The following AVEN variants were observed in gnomAD, a reference collection of about 807,000 sequenced individuals.
AVEN encodes apoptosis and caspase activation inhibitor.
Under a neutral mutation model 38.1 loss-of-function variants are expected in AVEN, and 41 were observed. The observed-to-expected ratio is 1.08, with a 90% CI of 0.84 to 1.40. AVEN has a LOEUF of 1.40. Ranked by LOEUF, AVEN falls within the 40% of genes most tolerant of loss-of-function variation. The pLI is 0.00. For missense variants in AVEN, 605 were observed against 438.8 expected, an observed-to-expected ratio of 1.38 and a Z score of -3.38; for synonymous variants, 206 against 171.8, an observed-to-expected ratio of 1.20 and a Z score of -1.56.
chr15:33,971,143 G>A (rs1408572886), intron 2 of AVEN, among the ~76,000 whole-genome samples: 1 of 152,002 alleles, frequency 6.6e-6, no homozygotes, highest in Admixed American at 6.6e-5. Flanking sequence ...TTTTATGCTA[G>A]TACCTGAAGA....
chr15:34,072,936 A>C (rs1362296921), intron 1 of AVEN, among the ~76,000 whole-genome samples: 3 of 151,960 alleles, frequency 2.0e-5, no homozygotes, highest in African/African-American at 7.2e-5. Context: ...CGCGTGAGCC[A>C]CCGCACCCAG....
intron 11 of AVEN, chr15:33,859,802 C>T: frequency 1.4e-6 from 2 of 1,457,766 alleles, no homozygotes; most frequent in Non-Finnish European, 1.9e-6. Flanking sequence ...CCATCTATGA[C>T]TTAATTGGTT....
At chr15:33,890,833 C>T (rs1006948216) in intron 2 of AVEN, among the ~76,000 whole-genome samples, 34 of 152,264 alleles carry the variant, frequency 2.2e-4, no homozygotes, top group Middle Eastern at 3.4e-3. Context: ...TAAAACTGGC[C>T]AAGCATGGTG....
At position 34,063,887 on chromosome 15, in the gene AVEN, C is replaced by T. The variant is rs1567494866; in HGVS notation, n.1127-455G>A. ...GATTGGTGGTAAAAGCTGACGGGAACCAGGAGACCAACAATGGCTGTCACA... is the reference window on the plus strand; with the variant it reads ...GATTGGTGGTAAAAGCTGACGGGAATCAGGAGACCAACAATGGCTGTCACA... On this transcript the variant is annotated intron_variant and non_coding_transcript_variant, in intron 4 of 11. Coordinates refer to the AVEN transcript ENST00000675287. This position sits in a 1 kb window ranked among gnomAD's most constrained non-coding sequence, Gnocchi z 4.1. 1.9e-6 allele frequency: 3 copies of T among 1,614,164 alleles called. No homozygotes were observed. Among genetic ancestry groups the T allele is most frequent in the Non-Finnish European group, 2.5e-6 (3 of 1,180,028 alleles).
At chr15:33,865,877 CTGCA>C (rs1404880604), downstream of AVEN, 2 of 152,550 alleles carry the variant, frequency 1.3e-5, no homozygotes, top group African/African-American at 4.8e-5. Context: ...CTTTATGAAA[CTGCA>C]CTTGAAGGTT....
At chr15:34,031,088 C>T (rs2140760731) in intron 1 of AVEN, among the ~76,000 whole-genome samples, 1 of 146,798 alleles carries the variant, frequency 6.8e-6, no homozygotes, top group African/African-American at 2.6e-5. Context: ...GGAATCACAA[C>T]ACTGATAATA....
upstream of AVEN, among the ~76,000 whole-genome samples, chr15:34,042,924 A>G (rs1009376244): frequency 5.3e-5 from 8 of 152,076 alleles, no homozygotes; most frequent in African/African-American, 9.7e-5. Flanking sequence ...GCCTTCAAAC[A>G]TCACAAGAAA....
chr15:33,990,662 C>G (rs543918148), intron 2 of AVEN: 1 of 152,326 alleles, frequency 6.6e-6, no homozygotes, highest in South Asian at 2.1e-4. Flanking sequence ...CTCTGGGGGC[C>G]TGGGACCGGA....
intron 2 of AVEN, among the ~76,000 whole-genome samples, chr15:33,902,318 TGAAA>T (rs200054872): frequency 0.018 from 2,679 of 152,284 alleles, 26 homozygotes; most frequent in South Asian, 0.049. Flanking sequence ...ATTAACAGAA[TGAAA>T]GATTTAAAAA....
In AVEN at chr15:33,937,932, C is replaced by CA. The variant is rs55887919; in HGVS notation, c.446-61938dup. Among the ~76,000 whole-genome samples the CA allele has an allele frequency of 7.3e-3, 738 of 100,672 alleles. 7 individuals carry two copies. The highest frequency in any genetic ancestry group is 0.011 in the African/African-American group (314 of 29,506). The allele number at this position is 100,672 out of a possible 152,430, so 66.0% of individuals were successfully genotyped here. On this transcript the variant is annotated intron_variant, in intron 2 of 5. Transcript: ENST00000306730. ...GAACTAATACAAATCCCTACTTGAC[C>CA]AAAAAAAAAAAAAAAAAAAAAAAAA...
chr15:33,853,146 T>TTAAG, the AVEN span: 2 of 1,391,984 alleles, frequency 1.4e-6, no homozygotes, highest in Non-Finnish European at 1.9e-6. Flanking sequence ...TGTATGTTTT[T>TTAAG]TAAGTTCTCC....
chr15:34,062,480 G>A (rs1170773791), intron 5 of AVEN, among the ~76,000 whole-genome samples: 7 of 151,186 alleles, frequency 4.6e-5, no homozygotes, highest in Non-Finnish European at 1.0e-4. Context: ...GCCTGAACCC[G>A]GGAGGCGGAG....
chr15:33,903,558 C>T (rs569861), intron 2 of AVEN, among the ~76,000 whole-genome samples: 125,203 of 152,170 alleles, frequency 0.82, 52,437 homozygotes, highest in East Asian at 0.98. Context: ...ATTTTACATG[C>T]TTTGGCATTA....
chr15:34,009,233 A>G (rs1227645875), intron 1 of AVEN, among the ~76,000 whole-genome samples: 1 of 152,240 alleles, frequency 6.6e-6, no homozygotes, highest in Non-Finnish European at 1.5e-5. Flanking sequence ...ATTTGCTCTA[A>G]CAGGCCCACC....
intron 2 of AVEN, among the ~76,000 whole-genome samples, chr15:33,982,397 T>TG (rs1432117273): frequency 6.6e-6 from 1 of 152,080 alleles, no homozygotes; most frequent in Non-Finnish European, 1.5e-5. Flanking sequence ...TGCTATGCTC[T>TG]GCCAAAAATA....
At chr15:33,865,908 T>C (rs1567378995), downstream of AVEN, 2 of 152,732 alleles carry the variant, frequency 1.3e-5, no homozygotes, top group Non-Finnish European at 2.9e-5. Context: ...ACAAGTTTTT[T>C]TAGTAACAGC....
downstream of AVEN, chr15:33,854,991 A>G: frequency 1.5e-6 from 2 of 1,335,474 alleles, no homozygotes; most frequent in Non-Finnish European, 2.0e-6. Context: ...TATACAGTAT[A>G]TGACAGGAAG....
At chr15:33,999,106 A>G (rs1897046550) in intron 2 of AVEN, among the ~76,000 whole-genome samples, 1 of 152,206 alleles carries the variant, frequency 6.6e-6, no homozygotes, top group African/African-American at 2.4e-5. Context: ...AGGTTGACCA[A>G]TATGGATTAC....
chr15:34,047,773 T>TGG (rs1555520281), intron 5 of AVEN, among the ~76,000 whole-genome samples: 1 of 151,716 alleles, frequency 6.6e-6, no homozygotes, highest in Non-Finnish European at 1.5e-5. Flanking sequence ...TTTTTGGAGA[T>TGG]AGTCTCACTT....
Sources: gnomAD v4.1 joint callset for allele counts (sites outside exome capture counted in the v4.1 genomes callset) on GRCh38, gnomAD v4.1.1 for gene constraint, Gnocchi (gnomAD v3.1) non-coding constraint, MANE v1.5 for transcripts, NCBI Gene and HGNC (gene_info 2026-07-23, HGNC 2026-07-21) for gene names.